Variants in FSTL4 observed in about 807,000 individuals in gnomAD.
FSTL4 encodes follistatin-related protein 4.
In FSTL4, 28 loss-of-function variants were observed where a neutral mutation model predicts 78.2. That is an observed-to-expected ratio of 0.36 (90% CI 0.27 to 0.49). FSTL4 has a LOEUF of 0.49. Among genes scored for constraint, FSTL4 ranks in the 20% least tolerant of loss-of-function variants. FSTL4 has a pLI of 0.98. For missense variants in FSTL4, 922 were observed against 1,084.9 expected, an observed-to-expected ratio of 0.85 and a Z score of 2.11; for synonymous variants, 422 against 440.5, an observed-to-expected ratio of 0.96 and a Z score of 0.53.
chr5:133,740,243 T>C, the FSTL4 span, among the ~76,000 whole-genome samples: 61,142 of 151,882 alleles, frequency 0.4, 12,676 homozygotes, highest in East Asian at 0.66. Flanking sequence ...AGACAGTTGT[T>C]TCAAGTTCCT....
chr5:133,542,046 C>A (rs1478370131), intron 3 of FSTL4, among the ~76,000 whole-genome samples: 2 of 151,954 alleles, frequency 1.3e-5, no homozygotes, highest in African/African-American at 4.8e-5. Flanking sequence ...TCTGTAAAAC[C>A]CTTTCCTAAC....
intron 3 of FSTL4, among the ~76,000 whole-genome samples, chr5:133,514,182 G>GATA (rs10671234): frequency 0.12 from 13,338 of 115,844 alleles, 808 homozygotes; most frequent in South Asian, 0.17. Context: ...CCGTCTCAAT[G>GATA]ATAATAATAA....
intron 2 of FSTL4, among the ~76,000 whole-genome samples, chr5:133,582,249 T>G (rs1450793546): frequency 2.0e-5 from 3 of 152,102 alleles, no homozygotes; most frequent in African/African-American, 2.4e-5. Flanking sequence ...CCACTGGGCT[T>G]GCAGTGCACG....
chr5:133,204,227 G>C (rs1035469926), intron 14 of FSTL4, among the ~76,000 whole-genome samples: 1 of 152,202 alleles, frequency 6.6e-6, no homozygotes, highest in Non-Finnish European at 1.5e-5. Context: ...GCCAGAGAGT[G>C]CTGGGCAGCA....
At chr5:133,819,188 C>A in the FSTL4 span, among the ~76,000 whole-genome samples, 1 of 151,562 alleles carries the variant, frequency 6.6e-6, no homozygotes, top group African/African-American at 2.4e-5. Flanking sequence ...AAATAAGAAC[C>A]ACCTAGAACA....
At chr5:133,297,513 C>A (rs1477205941) in intron 6 of FSTL4, among the ~76,000 whole-genome samples, 2 of 152,182 alleles carry the variant, frequency 1.3e-5, no homozygotes, top group Admixed American at 6.5e-5. Context: ...TCCGGCTCTT[C>A]ACCTCTAAAA....
chr5:133,744,683 C>T, the FSTL4 span, among the ~76,000 whole-genome samples: 8 of 152,214 alleles, frequency 5.3e-5, no homozygotes, highest in Non-Finnish European at 1.2e-4. Context: ...TTTCCTCCAT[C>T]TGTATCCCCC....
the FSTL4 span, among the ~76,000 whole-genome samples, chr5:133,758,500 C>T: frequency 6.6e-6 from 1 of 152,012 alleles, no homozygotes; most frequent in African/African-American, 2.4e-5. Flanking sequence ...CACTCTTCTC[C>T]CAAGTAAAGG....
In FSTL4 at chr5:133,197,322, T is replaced by A. The variant is rs1750173578; in HGVS notation, c.*1773A>T. On this transcript the variant is annotated 3_prime_UTR_variant, in exon 16 of 16. Transcript: ENST00000265342. ...AGGGGTGAGATGGGTCATCCATGCATCCCAGCTACTGTGAAACTGCATTCT... is the reference window on the plus strand; with the variant it reads ...AGGGGTGAGATGGGTCATCCATGCAACCCAGCTACTGTGAAACTGCATTCT... 1 of 152,186 alleles carries A rather than the reference T, an allele frequency of 6.6e-6. No individual in the cohort carries two copies. Among genetic ancestry groups the A allele is most frequent in the Non-Finnish European group, 1.5e-5 (1 of 68,042 alleles). The allele number at this position is 152,186 out of a possible 1,614,324, so 9.4% of individuals were successfully genotyped here. A position where few individuals can be genotyped will look rare whatever the true frequency, so the allele number is the denominator to read the frequency against.
chr5:133,534,318 A>G (rs1281724917), intron 3 of FSTL4, among the ~76,000 whole-genome samples: 1 of 152,216 alleles, frequency 6.6e-6, no homozygotes, highest in African/African-American at 2.4e-5. Context: ...GCTGTTTTCC[A>G]GTGAGTCGAG....
the FSTL4 span, among the ~76,000 whole-genome samples, chr5:133,758,041 G>A: frequency 6.6e-6 from 1 of 152,158 alleles, no homozygotes; most frequent in Non-Finnish European, 1.5e-5. Flanking sequence ...AGTCGGCATA[G>A]GTAATGTTTG....
At chr5:133,213,913 T>C (rs77494844) in intron 13 of FSTL4, among the ~76,000 whole-genome samples, 4,610 of 152,234 alleles carry the variant, frequency 0.03, 244 homozygotes, top group African/African-American at 0.1. Context: ...GAGGGAACAA[T>C]TATACCATGA....
chr5:133,259,531 T>C (rs1752465989), intron 6 of FSTL4, among the ~76,000 whole-genome samples: 1 of 150,746 alleles, frequency 6.6e-6, no homozygotes, highest in African/African-American at 2.4e-5. Context: ...TTTTTTTTTT[T>C]TTTTTGAGGA....
chr5:133,730,303 C>T, the FSTL4 span, among the ~76,000 whole-genome samples: 1 of 152,210 alleles, frequency 6.6e-6, no homozygotes, highest in African/African-American at 2.4e-5. Flanking sequence ...TCTCTGTATT[C>T]TTCTTAAAGA....
At chr5:133,830,432 C>CACCAT in the FSTL4 span, among the ~76,000 whole-genome samples, 1 of 152,172 alleles carries the variant, frequency 6.6e-6, no homozygotes, top group Non-Finnish European at 1.5e-5. Flanking sequence ...AGTGGGGGGC[C>CACCAT]ACCATTGCCA....
chr5:133,598,449 A>C (rs122536), intron 2 of FSTL4, among the ~76,000 whole-genome samples: 80,752 of 148,476 alleles, frequency 0.54, 22,550 homozygotes, highest in East Asian at 0.69. Flanking sequence ...GGAATGGGTT[A>C]ATCCCAATGC....
chr5:133,310,523 G>C (rs1172446823), intron 6 of FSTL4, among the ~76,000 whole-genome samples: 2 of 152,176 alleles, frequency 1.3e-5, no homozygotes, highest in African/African-American at 4.8e-5. Context: ...GCAAAGCCAA[G>C]AGCATGCTGT....
intron 8 of FSTL4, among the ~76,000 whole-genome samples, chr5:133,226,548 C>T (rs558896350): frequency 6.6e-6 from 1 of 152,340 alleles, no homozygotes; most frequent in Admixed American, 6.5e-5. Context: ...GACCCTCCCT[C>T]TTACCCCTAG....
chr5:133,510,860 G>A (rs893322152), intron 3 of FSTL4, among the ~76,000 whole-genome samples: 1 of 152,048 alleles, frequency 6.6e-6, no homozygotes, highest in African/African-American at 2.4e-5. Context: ...GTTTCCGCTG[G>A]TTCTCTCCTC....
Sources: allele counts gnomAD v4.1 joint callset (sites outside exome capture counted in the v4.1 genomes callset), GRCh38; gene constraint gnomAD v4.1.1; transcripts MANE v1.5; gene names NCBI Gene and HGNC (gene_info 2026-07-23, HGNC 2026-07-21).